Variants in RHOBTB1 observed in about 807,000 individuals in gnomAD.
The protein encoded by RHOBTB1 is Rho related BTB domain containing 1.
In RHOBTB1, 40 loss-of-function variants were observed where a neutral mutation model predicts 71.6. The observed-to-expected ratio is 0.56, with a 90% CI of 0.43 to 0.73. The LOEUF (loss-of-function observed/expected upper bound fraction) is 0.73, where lower values mean the gene tolerates loss of function less well. RHOBTB1 is among the 30% of genes least tolerant of loss of function. RHOBTB1 has a pLI of 0.00. For missense variants in RHOBTB1, 797 were observed against 894.0 expected, an observed-to-expected ratio of 0.89 and a Z score of 1.38; for synonymous variants, 319 against 334.9, an observed-to-expected ratio of 0.95 and a Z score of 0.52.
intron 9 of RHOBTB1, among the ~76,000 whole-genome samples, chr10:60,872,658 G>A (rs1251434088): frequency 3.3e-5 from 5 of 151,928 alleles, no homozygotes; most frequent in African/African-American, 7.2e-5. Context: ...TCTGTTTAAG[G>A]AAGCCTCCGC....
chr10:60,966,839 C>T (rs548925314), intron 2 of RHOBTB1, among the ~76,000 whole-genome samples: 3 of 143,608 alleles, frequency 2.1e-5, no homozygotes, highest in Non-Finnish European at 3.0e-5. Flanking sequence ...CCTCCCCCCT[C>T]CCCCCACCCC....
upstream of RHOBTB1, among the ~76,000 whole-genome samples, chr10:60,948,393 A>G (rs2085304772): frequency 6.6e-6 from 1 of 152,208 alleles, no homozygotes; most frequent in African/African-American, 2.4e-5. Context: ...ATTTTATAAG[A>G]CTGCATTTCA....
At chr10:60,949,921 T>C (rs949221623) in intron 2 of RHOBTB1, among the ~76,000 whole-genome samples, 2 of 152,232 alleles carry the variant, frequency 1.3e-5, no homozygotes, top group African/African-American at 4.8e-5. Context: ...TATCCTTTTC[T>C]TATAGCATGT....
At chr10:60,879,564 C>G (rs2081214366) in intron 7 of RHOBTB1, among the ~76,000 whole-genome samples, 2 of 151,678 alleles carry the variant, frequency 1.3e-5, no homozygotes, top group African/African-American at 4.8e-5. Flanking sequence ...AGGCTGGTCT[C>G]AAACTCCTGG....
upstream of RHOBTB1, among the ~76,000 whole-genome samples, chr10:60,945,877 T>C (rs898448878): frequency 2.6e-5 from 4 of 152,206 alleles, no homozygotes; most frequent in Non-Finnish European, 5.9e-5. Context: ...GATCATTTAC[T>C]TGGCATAAAA....
At chr10:60,898,406 A>G (rs1166873747) in intron 4 of RHOBTB1, among the ~76,000 whole-genome samples, 1 of 152,232 alleles carries the variant, frequency 6.6e-6, no homozygotes, top group African/African-American at 2.4e-5. Context: ...AAACAGCACA[A>G]AACAGCTGGG....
upstream of RHOBTB1, among the ~76,000 whole-genome samples, chr10:60,947,161 T>A (rs562500730): frequency 1.3e-4 from 20 of 152,344 alleles, no homozygotes; most frequent in South Asian, 4.1e-3. Context: ...CTGTAATCAC[T>A]GTCATGAGTT....
At chr10:60,971,592 C>G (rs2086160860) in intron 2 of RHOBTB1, among the ~76,000 whole-genome samples, 1 of 152,116 alleles carries the variant, frequency 6.6e-6, no homozygotes, top group South Asian at 2.1e-4. Context: ...CATACAAACC[C>G]TAGAAGAAAA....
intron 4 of RHOBTB1, among the ~76,000 whole-genome samples, chr10:60,903,672 CAGACTATGGGCCCCTGGGT>C (rs2082520320): frequency 4.5e-5 from 2 of 44,538 alleles, no homozygotes; most frequent in African/African-American, 1.7e-4. Context: ...GCCCCTGGGT[CAGACTATGGGCCCCTGGGT>C]CAGACTATGA....
chr10:60,869,267 A>C (rs2080670409), downstream of RHOBTB1, among the ~76,000 whole-genome samples: 2 of 152,204 alleles, frequency 1.3e-5, no homozygotes, highest in African/African-American at 4.8e-5. Flanking sequence ...TGACACTGGA[A>C]TCTCTGCTGA....
At chr10:60,991,431 C>CT (rs34517890) in intron 1 of RHOBTB1, among the ~76,000 whole-genome samples, 61,638 of 133,852 alleles carry the variant, frequency 0.46, 14,770 homozygotes, top group East Asian at 0.69. Flanking sequence ...TCCCTCAGTA[C>CT]TTTTTTTTTT....
intron 7 of RHOBTB1, 45 bp downstream of exon 7, chr10:60,886,067 C>T (rs748419771): frequency 5.1e-6 from 7 of 1,368,804 alleles, no homozygotes; most frequent in Admixed American, 1.7e-5. Context: ...CACAGGCACA[C>T]ATACATTCAT....
chr10:60,911,627 G>T (rs1029909148), intron 2 of RHOBTB1, 75 bp from the exon 3 acceptor site: 29 of 1,282,962 alleles, frequency 2.3e-5, no homozygotes, highest in Non-Finnish European at 3.1e-5. Flanking sequence ...AGAGGTTCAG[G>T]GAGTTTTGCC....
intron 4 of RHOBTB1, among the ~76,000 whole-genome samples, chr10:60,898,075 G>A (rs2082245125): frequency 6.6e-6 from 1 of 152,008 alleles, no homozygotes; most frequent in African/African-American, 2.4e-5. Flanking sequence ...AAATTCTTTT[G>A]TTCCATGGTA....
At position 60,911,446 on chromosome 10, in the gene RHOBTB1, C is replaced by A. The variant is rs1474280482; in HGVS notation, c.97G>T (p.Ala33Ser). ...GTGAGTGTGGTGTTGCACGCCCTGG[C>A]ACAGATCAAGCGCGTCTTCCCCACG... ...NAVGKTRLIC[A>S]RACNTTLTQY... is the part of the protein sequence containing the mutation. The change falls in exon 3 of 11, where the codon GCC (alanine) becomes TCC (serine). Residue 33 changes from alanine (A) to serine (S), a missense_variant. Physicochemically the swap from Ala to Ser is moderately conservative, Grantham distance 99. Transcript: ENST00000337910. 1 of 1,614,210 alleles carries A rather than the reference C, an allele frequency of 6.2e-7. No individual in the cohort carries two copies. The highest frequency in any genetic ancestry group is 8.5e-7 in the Non-Finnish European group (1 of 1,180,036).
At chr10:60,940,897 CTA>C (rs553769349) in intron 2 of RHOBTB1, among the ~76,000 whole-genome samples, 2 of 152,180 alleles carry the variant, frequency 1.3e-5, no homozygotes, top group African/African-American at 4.8e-5. Context: ...GATTTATTCT[CTA>C]TTGTTGCATA....
At chr10:60,908,026 A>T (rs1361029332) in intron 4 of RHOBTB1, among the ~76,000 whole-genome samples, 1 of 152,220 alleles carries the variant, frequency 6.6e-6, no homozygotes, top group African/African-American at 2.4e-5. Context: ...CTTTTGAAAA[A>T]TTGGAGCTTT....
At chr10:60,872,423 A>T in intron 9 of RHOBTB1, 133 bp from the exon 10 acceptor site, 1 of 672,080 alleles carries the variant, frequency 1.5e-6, no homozygotes, top group East Asian at 2.7e-5. Context: ...TCTTGTTTTG[A>T]CCTCAATGTT....
intron 2 of RHOBTB1, among the ~76,000 whole-genome samples, chr10:60,970,635 G>C (rs1370546251): frequency 6.6e-6 from 1 of 152,030 alleles, no homozygotes; most frequent in Non-Finnish European, 1.5e-5. Context: ...CGCATTTATA[G>C]TAAGCACAAT....
Sources: allele counts gnomAD v4.1 joint callset (sites outside exome capture counted in the v4.1 genomes callset), GRCh38; gene constraint gnomAD v4.1.1; transcripts MANE v1.5; gene names NCBI Gene and HGNC (gene_info 2026-07-23, HGNC 2026-07-21).